The following PCLO variants were observed in gnomAD, a reference collection of about 807,000 sequenced individuals.
PCLO encodes the protein protein piccolo.
In PCLO, 82 loss-of-function variants were observed where a neutral mutation model predicts 427.5. The observed-to-expected ratio is 0.19, with a 90% CI of 0.16 to 0.23. The LOEUF (loss-of-function observed/expected upper bound fraction) is 0.23. Among genes scored for constraint, PCLO ranks in the 10% least tolerant of loss-of-function variants. PCLO has a pLI of 1.00. For synonymous variants in PCLO, 2,357 were observed against 2,155.4 expected (o/e 1.09, Z -2.59); for missense variants, 6,239 against 6,115.9 (o/e 1.02, Z -0.67).
intron 3 of PCLO, among the ~76,000 whole-genome samples, chr7:83,087,450 A>T (rs1409709822): frequency 6.6e-6 from 1 of 152,106 alleles, no homozygotes; most frequent in East Asian, 1.9e-4. Context: ...CCCAAAAGGT[A>T]TTAAAATTTT....
rs961661901 is a variant in PCLO, at chr7:83,153,707, T to C, written c.1893+1041A>G. Among the ~76,000 whole-genome samples the C allele has an allele frequency of 3.3e-5, 5 of 152,166 alleles. No individual in the cohort carries two copies. In the East Asian group the frequency reaches 9.6e-4, roughly 29 times the overall value. ...TTACAAAAATGAATCCCTCATATTC[T>C]CTTAGAGCCTAAACCTCTTCTCTAT... On this transcript the variant is annotated intron_variant, in intron 2 of 24. Transcript: ENST00000333891.
chr7:82,850,350 T>G (rs1258605619), intron 10 of PCLO, among the ~76,000 whole-genome samples: 1 of 152,110 alleles, frequency 6.6e-6, no homozygotes, highest in African/African-American at 2.4e-5. Flanking sequence ...TCTGGAGTTT[T>G]GCTGAATATG....
At chr7:82,852,255 T>C (rs1034105367) in intron 10 of PCLO, among the ~76,000 whole-genome samples, 2 of 152,144 alleles carry the variant, frequency 1.3e-5, no homozygotes, top group African/African-American at 4.8e-5. Context: ...GAGTGTCAAC[T>C]TGATTGGATT....
chr7:82,781,290 G>C (rs1239586521), intron 22 of PCLO, among the ~76,000 whole-genome samples: 1 of 151,252 alleles, frequency 6.6e-6, no homozygotes, highest in Non-Finnish European at 1.5e-5. Flanking sequence ...GCCATTTCTT[G>C]TTTATTTCTT....
chr7:82,826,783 A>C, intron 17 of PCLO, 123 bp from the exon 18 acceptor site: 1 of 484,874 alleles, frequency 2.1e-6, no homozygotes, highest in Non-Finnish European at 3.5e-6. Context: ...AAAATACTTA[A>C]AATTTTACCG....
chr7:83,097,525 AATATAT>A (rs796138219), intron 3 of PCLO, among the ~76,000 whole-genome samples: 1 of 145,500 alleles, frequency 6.9e-6, no homozygotes, highest in African/African-American at 2.5e-5. Context: ...CAGTCTCAAA[AATATAT>A]ATATATATAT....
chr7:82,760,304 A>C (rs1790403585), intron 24 of PCLO, among the ~76,000 whole-genome samples: 1 of 152,012 alleles, frequency 6.6e-6, no homozygotes, highest in African/African-American at 2.4e-5. Context: ...CTAAAGGGAT[A>C]AGGCATAAAT....
rs1229801126 is a variant in PCLO, at chr7:82,955,544, A to G, written c.5409T>C (p.Ser1803=). The G allele has an allele frequency of 5.0e-6, 8 of 1,613,918 alleles. No individual in the cohort carries two copies. The highest frequency in any genetic ancestry group is 1.1e-5 in the South Asian group (1 of 91,076). Residue 1803 remains serine, a synonymous_variant, in exon 5 of 25, where the codon TCT becomes TCC. Coordinates refer to ENST00000333891, the MANE Select transcript of PCLO (RefSeq NM_033026.6). Reference sequence around the variant, plus strand: ...CTTTGTCTTTCTTTGATTTTTTACTAGAACTCTTTCTTTGTTGCTGTTCTA... The same window carrying G: ...CTTTGTCTTTCTTTGATTTTTTACTGGAACTCTTTCTTTGTTGCTGTTCTA... ...REIEQQQRKS[S]SKKSKKDKDE...
chr7:83,088,181 G>T (rs1272987727), intron 3 of PCLO, among the ~76,000 whole-genome samples: 1 of 152,090 alleles, frequency 6.6e-6, no homozygotes, highest in Non-Finnish European at 1.5e-5. Flanking sequence ...ATGCCAACTT[G>T]TATTTTTTCA....
chr7:82,904,848 A>G (rs1382869500), intron 8 of PCLO, among the ~76,000 whole-genome samples: 10 of 152,038 alleles, frequency 6.6e-5, no homozygotes, highest in Non-Finnish European at 1.2e-4. Context: ...ACAATCTCCT[A>G]TAGTTTCAGA....
chr7:82,951,804 G>C, intron 5 of PCLO, 52 bp downstream of exon 5: 1 of 1,543,758 alleles, frequency 6.5e-7, no homozygotes, highest in Non-Finnish European at 8.7e-7. Flanking sequence ...AATGAGATGA[G>C]GAACACCATA....
At chr7:82,821,145 C>A (rs1652434668) in intron 20 of PCLO, 2 of 1,015,964 alleles carry the variant, frequency 2.0e-6, no homozygotes, top group South Asian at 4.6e-5. Context: ...TCAGACATCA[C>A]CTTCCTGAGG....
intron 3 of PCLO, among the ~76,000 whole-genome samples, chr7:83,009,427 T>C (rs1788025185): frequency 6.6e-6 from 1 of 151,984 alleles, no homozygotes; most frequent in African/African-American, 2.4e-5. Context: ...GCCAAAGATT[T>C]CCAATTTCTA....
intron 22 of PCLO, among the ~76,000 whole-genome samples, chr7:82,783,377 G>A (rs1259235272): frequency 6.6e-6 from 1 of 152,058 alleles, no homozygotes; most frequent in Non-Finnish European, 1.5e-5. Flanking sequence ...CCCTTTGGGA[G>A]GCCGAGGCGA....
intron 10 of PCLO, among the ~76,000 whole-genome samples, chr7:82,867,647 G>T (rs1381316105): frequency 7.2e-5 from 11 of 152,120 alleles, no homozygotes; most frequent in Admixed American, 6.6e-5. Flanking sequence ...AGGAACAATT[G>T]TTCCTTATGA....
chr7:82,902,795 C>T, intron 8 of PCLO, 54 bp from the exon 9 acceptor site: 1 of 837,700 alleles, frequency 1.2e-6, no homozygotes, highest in Non-Finnish European at 2.0e-6. Flanking sequence ...ACTTAAAGTG[C>T]AATATACATA....
intron 22 of PCLO, among the ~76,000 whole-genome samples, chr7:82,800,329 C>T (rs1791319362): frequency 6.6e-6 from 1 of 152,076 alleles, no homozygotes; most frequent in Non-Finnish European, 1.5e-5. Flanking sequence ...ACCTGTTTCC[C>T]TATGTAGTGC....
intron 22 of PCLO, among the ~76,000 whole-genome samples, chr7:82,795,642 TTGAA>T (rs1413271494): frequency 6.6e-6 from 1 of 152,180 alleles, no homozygotes; most frequent in African/African-American, 2.4e-5. Context: ...AAACTCTGCT[TTGAA>T]TGGTTTTACT....
intron 8 of PCLO, among the ~76,000 whole-genome samples, chr7:82,908,036 T>A (rs773433244): frequency 6.6e-6 from 1 of 152,058 alleles, no homozygotes; most frequent in African/African-American, 2.4e-5. Context: ...ACAGGATGAT[T>A]AGGGGTTTAT....
Sources: allele counts gnomAD v4.1 joint callset (sites outside exome capture counted in the v4.1 genomes callset), GRCh38; gene constraint gnomAD v4.1.1; transcripts MANE v1.5; gene names NCBI Gene and HGNC (gene_info 2026-07-23, HGNC 2026-07-21).